The following SHOC2 variants were observed in gnomAD, a reference collection of about 807,000 sequenced individuals.
The protein encoded by SHOC2 is leucine-rich repeat protein SHOC-2.
SHOC2 carries 4 observed loss-of-function variants against 50.2 expected under a neutral mutation model. The ratio of observed to expected loss-of-function variants is 0.08; its 90% CI spans 0.04 to 0.18. The LOEUF (loss-of-function observed/expected upper bound fraction) is 0.18. Among genes scored for constraint, SHOC2 ranks in the 10% least tolerant of loss-of-function variants. The pLI, the probability that SHOC2 is intolerant of heterozygous loss-of-function variation, is 1.00. For synonymous variants in SHOC2, 218 were observed against 244.5 expected, an observed-to-expected ratio of 0.89 and a Z score of 1.01; for missense variants, 388 against 669.6, an observed-to-expected ratio of 0.58 and a Z score of 4.64.
intron 3 of SHOC2, among the ~76,000 whole-genome samples, chr10:110,993,022 A>G (rs1457568244): frequency 1.3e-5 from 2 of 152,218 alleles, no homozygotes; most frequent in East Asian, 3.8e-4. Flanking sequence ...ATCTAATTTT[A>G]ATTCATAGCC....
chr10:110,984,822 A>G (rs1848047542), intron 2 of SHOC2, among the ~76,000 whole-genome samples: 1 of 152,192 alleles, frequency 6.6e-6, no homozygotes, highest in Admixed American at 6.5e-5. Flanking sequence ...ATGTCAATTT[A>G]TGCATTTATA....
intron 2 of SHOC2, among the ~76,000 whole-genome samples, chr10:110,978,714 A>G (rs1324278544): frequency 6.6e-6 from 1 of 152,126 alleles, no homozygotes; most frequent in African/African-American, 2.4e-5. Context: ...GAATTTGAGG[A>G]GTGTGTATTT....
At chr10:110,926,731 T>G (rs1341712599) in intron 1 of SHOC2, among the ~76,000 whole-genome samples, 1 of 152,234 alleles carries the variant, frequency 6.6e-6, no homozygotes, top group Admixed American at 6.5e-5. Flanking sequence ...TTAGTAAATT[T>G]TGTTAATAAC....
At chr10:110,922,678 C>G (rs1387652328) in intron 1 of SHOC2, among the ~76,000 whole-genome samples, 1 of 151,904 alleles carries the variant, frequency 6.6e-6, no homozygotes, top group African/African-American at 2.4e-5. Flanking sequence ...TAAAAAACCC[C>G]AAACAATAAA....
chr10:110,982,129 G>A (rs1847992310), intron 2 of SHOC2, among the ~76,000 whole-genome samples: 1 of 148,068 alleles, frequency 6.8e-6, no homozygotes, highest in East Asian at 2.0e-4. Flanking sequence ...TCTTGAGATA[G>A]TTTACTGAGA....
intron 1 of SHOC2, among the ~76,000 whole-genome samples, chr10:110,963,699 A>G (rs1847617222): frequency 6.6e-6 from 1 of 152,164 alleles, no homozygotes; most frequent in African/African-American, 2.4e-5. Context: ...AGAGTTAGTT[A>G]CTTAAAAATA....
At chr10:110,963,652 A>G (rs555259147) in intron 1 of SHOC2, among the ~76,000 whole-genome samples, 9 of 152,254 alleles carry the variant, frequency 5.9e-5, no homozygotes, top group African/African-American at 2.2e-4. Context: ...ATACTACCTA[A>G]TTTGGAATAT....
rs182657232 is a variant in SHOC2 at position 110,936,949 on chromosome 10, G to T, written c.-235+17292G>T. 1,362 of 1,435,214 alleles carry T rather than the reference G, an allele frequency of 9.5e-4. 7 individuals carry two copies. In the African/African-American group the frequency reaches 0.017, roughly 18 times the overall value. The allele number at this position is 1,435,214 out of a possible 1,614,324, so 88.9% of individuals were successfully genotyped here. A position where few individuals can be genotyped will look rare whatever the true frequency, so the allele number is the denominator to read the frequency against. On this transcript the variant is annotated intron_variant, in intron 1 of 8. Coordinates refer to ENST00000369452, the MANE Select transcript of SHOC2 (RefSeq NM_007373.4). Reference sequence around the variant, plus strand: ...CCTTGAGGCGGTCCAGAGCGGCCTGGCCTCGCTTGGTCTTGTGGGGCAGCA... The same window carrying T: ...CCTTGAGGCGGTCCAGAGCGGCCTGTCCTCGCTTGGTCTTGTGGGGCAGCA...
chr10:111,003,713 T>C (rs1007306477), intron 4 of SHOC2, among the ~76,000 whole-genome samples: 13 of 152,182 alleles, frequency 8.5e-5, no homozygotes, highest in Non-Finnish European at 1.6e-4. Flanking sequence ...AAAATGCATA[T>C]TATGATTCAG....
At chr10:111,004,839 G>A (rs548039240) in intron 5 of SHOC2, 45 bp downstream of exon 5, 9 of 1,235,390 alleles carry the variant, frequency 7.3e-6, no homozygotes, top group Middle Eastern at 2.0e-4. Context: ...GCTTTAATTG[G>A]TACTTCCACT....
chr10:110,957,383 T>G (rs970552667), intron 1 of SHOC2, among the ~76,000 whole-genome samples: 2 of 152,200 alleles, frequency 1.3e-5, no homozygotes, highest in African/African-American at 4.8e-5. Flanking sequence ...TAATTTACTA[T>G]CTTTTTAGCT....
intron 3 of SHOC2, among the ~76,000 whole-genome samples, chr10:110,997,738 A>G (rs1848295313): frequency 6.6e-6 from 1 of 152,206 alleles, no homozygotes; most frequent in African/African-American, 2.4e-5. Context: ...CCTGTCAGGT[A>G]TGTGGCATTA....
At chr10:110,944,774 G>A (rs1409455580) in intron 1 of SHOC2, among the ~76,000 whole-genome samples, 1 of 152,162 alleles carries the variant, frequency 6.6e-6, no homozygotes. Flanking sequence ...AGATAATTCA[G>A]TCTCTAGTTG....
At chr10:110,996,918 C>T (rs926804571) in intron 3 of SHOC2, among the ~76,000 whole-genome samples, 56 of 152,246 alleles carry the variant, frequency 3.7e-4, no homozygotes, top group African/African-American at 1.3e-3. Context: ...GCTGTGGGTG[C>T]TCCTGTGCAC....
chr10:110,974,392 G>A (rs1847838152), intron 2 of SHOC2, among the ~76,000 whole-genome samples: 1 of 151,712 alleles, frequency 6.6e-6, no homozygotes, highest in South Asian at 2.1e-4. Flanking sequence ...ATATTCTGTT[G>A]TTTTTTGGAG....
chr10:110,925,945 A>G (rs555601289), intron 1 of SHOC2, among the ~76,000 whole-genome samples: 7 of 152,310 alleles, frequency 4.6e-5, no homozygotes, highest in East Asian at 3.9e-4. Flanking sequence ...TATTTTAGCA[A>G]TTGCCTTAAA....
At chr10:110,961,152 C>T (rs948112500) in intron 1 of SHOC2, among the ~76,000 whole-genome samples, 3 of 152,026 alleles carry the variant, frequency 2.0e-5, no homozygotes, top group Admixed American at 6.6e-5. Flanking sequence ...ATTATTGTTG[C>T]AATTTTATGC....
rs1554857573 is a variant in SHOC2 at position 110,964,111 on chromosome 10, A to G, written c.-234-14A>G. 3.6e-6 allele frequency: 2 copies of G among 556,566 alleles called. No individual in the cohort carries two copies. The highest frequency in any genetic ancestry group is 3.6e-5 in the Admixed American group (1 of 28,114). 34.5% of individuals were successfully genotyped at this position (556,566 alleles called of 1,614,324 possible). A position where few individuals can be genotyped will look rare whatever the true frequency, so the allele number is the denominator to read the frequency against. ...TATCTAAAGTAATTTAATACTGTCT[A>G]TATTATATTTCAGGAACTCTAATGA... is the stretch of plus-strand genomic sequence containing the variant. On this transcript the variant is annotated splice_polypyrimidine_tract_variant and intron_variant, in intron 1 of 8. Coordinates refer to ENST00000369452, the MANE Select transcript of SHOC2 (RefSeq NM_007373.4). The surrounding 1 kb of genome is among the most constrained non-coding windows in gnomAD (Gnocchi z 4.9).
chr10:111,005,015 G>T (rs1848443000), intron 5 of SHOC2, among the ~76,000 whole-genome samples: 1 of 152,186 alleles, frequency 6.6e-6, no homozygotes. Context: ...GTCCAGCTCA[G>T]TGGCTGATGC....
Sources: allele counts gnomAD v4.1 joint callset (sites outside exome capture counted in the v4.1 genomes callset), GRCh38; gene constraint gnomAD v4.1.1; non-coding constraint Gnocchi (gnomAD v3.1); transcripts MANE v1.5; gene names NCBI Gene and HGNC (gene_info 2026-07-23, HGNC 2026-07-21).